RNGTT: variants seen among roughly 807,000 people sequenced by gnomAD.
RNGTT encodes the protein RNA guanylyltransferase and 5'-phosphatase, also known as mRNA-capping enzyme.
Under a neutral mutation model 79.3 loss-of-function variants are expected in RNGTT, and 33 were observed. The ratio of observed to expected loss-of-function variants is 0.42; its 90% confidence interval spans 0.32 to 0.56. The LOEUF is 0.56. Ranked by LOEUF, RNGTT falls within the 20% of genes least tolerant of loss-of-function variation. The probability of loss-of-function intolerance (pLI) is 0.17; values close to 1 mark genes in which losing one functional copy is unlikely to be tolerated. For missense variants in RNGTT, 497 were observed against 739.1 expected (o/e 0.67, Z 3.80); for synonymous variants, 222 against 235.9 (o/e 0.94, Z 0.54).
chr6:88,858,838 TAC>T (rs1272468781), intron 8 of RNGTT, among the ~76,000 whole-genome samples: 1 of 151,994 alleles, frequency 6.6e-6, no homozygotes, highest in Non-Finnish European at 1.5e-5. Context: ...AGGGTTGGAG[TAC>T]ACAGACTAGT....
At chr6:88,813,645 C>G (rs1780215195) in intron 11 of RNGTT, among the ~76,000 whole-genome samples, 2 of 152,094 alleles carry the variant, frequency 1.3e-5, no homozygotes, top group South Asian at 4.1e-4. Context: ...AAGAACTTGC[C>G]TAAGGTTACA....
intron 1 of RNGTT, among the ~76,000 whole-genome samples, chr6:88,962,747 TTATAAA>T (rs1286388556): frequency 6.6e-6 from 1 of 150,592 alleles, no homozygotes; most frequent in Non-Finnish European, 1.5e-5. Flanking sequence ...AATATATACA[TTATAAA>T]TATATATATA....
intron 11 of RNGTT, among the ~76,000 whole-genome samples, chr6:88,823,836 A>G (rs1562270929): frequency 6.6e-6 from 1 of 152,218 alleles, no homozygotes; most frequent in East Asian, 1.9e-4. Flanking sequence ...AAGAGTTGAG[A>G]TTTAGCTGAG....
At chr6:88,757,993 G>T (rs990910783) in intron 13 of RNGTT, among the ~76,000 whole-genome samples, 1 of 152,088 alleles carries the variant, frequency 6.6e-6, no homozygotes, top group East Asian at 1.9e-4. Flanking sequence ...CCATACATCA[G>T]ACACATGGTT....
chr6:88,912,641 C>T lies in RNGTT; in HGVS notation c.368-6201G>A, dbSNP rs1191574273. Among the ~76,000 whole-genome samples, 3 of 151,870 alleles carry T rather than the reference C, an allele frequency of 2.0e-5. No homozygotes were observed. The East Asian group carries it at 5.8e-4, about 29-fold the overall frequency. On this transcript the variant is annotated intron_variant, in intron 4 of 15. Coordinates refer to ENST00000369485, the MANE Select transcript of RNGTT (RefSeq NM_003800.5). ...ATAAACAAGATTGACAGGCCATTGG[C>T]TGGATTAACAAAGAAAAAAAAAGAG...
intron 14 of RNGTT, among the ~76,000 whole-genome samples, chr6:88,663,615 C>T (rs1203456913): frequency 6.6e-6 from 1 of 152,130 alleles, no homozygotes; most frequent in Non-Finnish European, 1.5e-5. Flanking sequence ...ACCAATGGTG[C>T]CCCTCCTTAC....
chr6:88,928,341 A>G (rs997300459), intron 4 of RNGTT, among the ~76,000 whole-genome samples: 2 of 152,210 alleles, frequency 1.3e-5, no homozygotes, highest in Non-Finnish European at 2.9e-5. Flanking sequence ...ATAACTCAAA[A>G]GTCATTTTCA....
At chr6:88,737,470 G>A (rs1323807005) in intron 13 of RNGTT, among the ~76,000 whole-genome samples, 1 of 152,148 alleles carries the variant, frequency 6.6e-6, no homozygotes, top group Non-Finnish European at 1.5e-5. Context: ...ATAAATTGGG[G>A]GAAGGGAGGC....
At chr6:88,799,761 C>T (rs1432694560) in intron 12 of RNGTT, among the ~76,000 whole-genome samples, 1 of 145,620 alleles carries the variant, frequency 6.9e-6, no homozygotes, top group Admixed American at 6.8e-5. Flanking sequence ...GACAAATCAA[C>T]TGCCTATACT....
intron 6 of RNGTT, among the ~76,000 whole-genome samples, chr6:88,896,505 T>C (rs1012920667): frequency 6.6e-6 from 1 of 152,064 alleles, no homozygotes; most frequent in African/African-American, 2.4e-5. Flanking sequence ...AGAGCCAATC[T>C]TGAGAGACAG....
chr6:88,634,455 A>G lies in RNGTT; in HGVS notation c.1507-20060T>C, dbSNP rs1405372399. ...TCAGCAAATTGTCTCATGAAATATGACTTGCCAAATTAGTTCAAATTGGCC... is the reference window on the plus strand; with the variant it reads ...TCAGCAAATTGTCTCATGAAATATGGCTTGCCAAATTAGTTCAAATTGGCC... On this transcript the variant is annotated intron_variant, in intron 14 of 15. Transcript: ENST00000369485. 2.0e-5 allele frequency among the ~76,000 whole-genome samples: 3 copies of G among 152,156 alleles called. No individual in the cohort carries two copies. The South Asian group carries it at 6.2e-4, about 32-fold the overall frequency.
chr6:88,747,107 G>A (rs1485617884), intron 13 of RNGTT, among the ~76,000 whole-genome samples: 1 of 152,164 alleles, frequency 6.6e-6, no homozygotes, highest in Non-Finnish European at 1.5e-5. Context: ...AGTAGAAAGA[G>A]ATAAAGAAAA....
intron 13 of RNGTT, among the ~76,000 whole-genome samples, chr6:88,756,837 C>A (rs189575331): frequency 2.0e-4 from 31 of 152,254 alleles, no homozygotes; most frequent in African/African-American, 7.0e-4. Flanking sequence ...GTGCTAGCAA[C>A]GTCGGGGAAA....
At chr6:88,901,169 T>C (rs915393235) in intron 6 of RNGTT, among the ~76,000 whole-genome samples, 1 of 150,978 alleles carries the variant, frequency 6.6e-6, no homozygotes. Flanking sequence ...AAAAAAAAAT[T>C]TAAAGGCCTA....
chr6:88,692,488 A>G (rs1775518439), intron 13 of RNGTT, among the ~76,000 whole-genome samples: 1 of 152,142 alleles, frequency 6.6e-6, no homozygotes, highest in African/African-American at 2.4e-5. Flanking sequence ...ATGTGACAGC[A>G]TGGATGAATG....
chr6:88,613,135 C>T (rs1772095455), intron 15 of RNGTT, among the ~76,000 whole-genome samples: 1 of 152,158 alleles, frequency 6.6e-6, no homozygotes, highest in African/African-American at 2.4e-5. Context: ...CATGTCTTCC[C>T]CACGGTTTTC....
chr6:88,933,483 A>G (rs1485945662), intron 2 of RNGTT, among the ~76,000 whole-genome samples: 1 of 150,372 alleles, frequency 6.7e-6, no homozygotes, highest in Non-Finnish European at 1.5e-5. Context: ...CCATGAGATC[A>G]GTTTTTTTTT....
chr6:88,771,297 G>GTATGTA (rs1778652174), intron 12 of RNGTT, among the ~76,000 whole-genome samples: 1 of 73,838 alleles, frequency 1.4e-5, no homozygotes, highest in African/African-American at 5.1e-5. Context: ...AGGACTGTAT[G>GTATGTA]TATGTATGTG....
chr6:88,859,390 T>C (rs987309957), intron 8 of RNGTT, among the ~76,000 whole-genome samples: 2 of 152,136 alleles, frequency 1.3e-5, no homozygotes, highest in Admixed American at 1.3e-4. Context: ...CAGGAAGCAC[T>C]ATGACCCGCA....
Sources: allele counts gnomAD v4.1 joint callset (sites outside exome capture counted in the v4.1 genomes callset), GRCh38; gene constraint gnomAD v4.1.1; transcripts MANE v1.5; gene names NCBI Gene and HGNC (gene_info 2026-07-23, HGNC 2026-07-21).